The following PHYH variants were observed in gnomAD, a reference collection of about 807,000 sequenced individuals.
The protein encoded by PHYH is phytanoyl-CoA 2-hydroxylase.
In PHYH, 32 loss-of-function variants were observed where a neutral mutation model predicts 38.5. That is an observed-to-expected ratio of 0.83 (90% confidence interval 0.63 to 1.12). PHYH has a LOEUF of 1.12. Among genes scored for constraint, PHYH ranks in the 50% most tolerant of loss-of-function variants. The pLI is 0.00. For missense variants in PHYH, 426 were observed against 434.8 expected, an observed-to-expected ratio of 0.98 and a Z score of 0.18; for synonymous variants, 166 against 157.9, an observed-to-expected ratio of 1.05 and a Z score of -0.38.
At chr10:13,280,788 T>C (rs565880300) in intron 8 of PHYH, among the ~76,000 whole-genome samples, 188 bp downstream of exon 8, 4 of 152,274 alleles carry the variant, frequency 2.6e-5, no homozygotes, top group Non-Finnish European at 4.4e-5. Flanking sequence ...TTCTCAAGCC[T>C]CCTGCACGGG....
intron 1 of PHYH, 95 bp from the exon 2 acceptor site, chr10:13,298,340 G>A: frequency 9.7e-6 from 7 of 723,218 alleles, no homozygotes; most frequent in South Asian, 2.9e-5. Flanking sequence ...GCTGAGGCAG[G>A]AGGATTACTT....
At chr10:13,280,405 A>G (rs1353539419) in intron 8 of PHYH, among the ~76,000 whole-genome samples, 1 of 152,118 alleles carries the variant, frequency 6.6e-6, no homozygotes, top group Non-Finnish European at 1.5e-5. Flanking sequence ...CAGTAGTGCA[A>G]TCAGCTCACT....
In PHYH at chr10:13,278,138, A is replaced by G; in HGVS notation, c.*163T>C. The G allele has an allele frequency of 3.0e-6, 2 of 665,828 alleles. No homozygotes were observed. Among genetic ancestry groups the G allele is most frequent in the Non-Finnish European group, 5.5e-6 (2 of 362,030 alleles). The allele number at this position is 665,828 out of a possible 1,614,324, so 41.2% of individuals were successfully genotyped here. A position where few individuals can be genotyped will look rare whatever the true frequency, so the allele number is the denominator to read the frequency against. On this transcript the variant is annotated 3_prime_UTR_variant, in exon 9 of 9. Coordinates refer to ENST00000263038, the MANE Select transcript of PHYH (RefSeq NM_006214.4). ...TTTTTTTTTCCATTAAAGCAACACC[A>G]TTGTGCTGCAAAACTAACTCTATGC...
intron 3 of PHYH, chr10:13,295,129 C>T (rs755964161): frequency 3.9e-5 from 11 of 284,858 alleles, no homozygotes; most frequent in Non-Finnish European, 6.7e-5. Flanking sequence ...TCAAGACCAG[C>T]CTGGGCAACA....
At chr10:13,295,109 G>C (rs1182100717) in intron 3 of PHYH, 1 of 280,554 alleles carries the variant, frequency 3.6e-6, no homozygotes, top group African/African-American at 2.2e-5. Flanking sequence ...AGGAGGGTGA[G>C]GCCAGGAGTT....
rs753115080 is a variant in PHYH, at chr10:13,288,398, T to C, written c.640A>G (p.Lys214Glu). ...GCLVVLPGTHKGSLKPHDYPK... is the reference protein window; with the variant it reads ...GCLVVLPGTHEGSLKPHDYPK... ...TAATCGTGGGGCTTCAGGGAGCCCTTGTGTGTGCCTGGGAGCACAACCAGA... is the reference window on the plus strand; with the variant it reads ...TAATCGTGGGGCTTCAGGGAGCCCTCGTGTGTGCCTGGGAGCACAACCAGA... Residue 214 changes from lysine to glutamate, a missense_variant, in exon 6 of 9, where the codon AAG becomes GAG. By Grantham distance (56) the Lys-to-Glu change is moderately conservative. Transcript: ENST00000263038. The C allele has an allele frequency of 6.2e-7, 1 of 1,614,096 alleles. No individual in the cohort carries two copies. Among genetic ancestry groups the C allele is most frequent in the East Asian group, 2.2e-5 (1 of 44,866 alleles).
intron 3 of PHYH, 149 bp downstream of exon 3, chr10:13,295,347 G>A: frequency 1.6e-6 from 1 of 626,908 alleles, no homozygotes; most frequent in South Asian, 1.8e-5. Context: ...TAAAAAGCCA[G>A]TCTGGCACCA....
At chr10:13,299,513 G>T in intron 1 of PHYH, 1 of 1,005,198 alleles carries the variant, frequency 9.9e-7, no homozygotes, top group South Asian at 4.6e-5. Flanking sequence ...TGCCTGGCCA[G>T]CTCCTGCCCG....
At chr10:13,299,689 A>T (rs1832695421) in intron 1 of PHYH, 3 of 1,254,692 alleles carry the variant, frequency 2.4e-6, no homozygotes. Flanking sequence ...CGTCTCCACA[A>T]AGAGAGGAGC....
chr10:13,288,527 G>A lies in PHYH; in HGVS notation c.511C>T (p.Arg171Cys), dbSNP rs1247299635. 13 of 1,613,946 alleles carry A rather than the reference G, an allele frequency of 8.1e-6. No homozygotes were observed. In the East Asian group the frequency reaches 1.6e-4, roughly 19 times the overall value. ...TGCAGGTCCTGGTGCAGGGGGTGAC[G>A]GGACGTCTTCTTGCCTGAAAAGAAA... The part of the protein sequence containing the change: ...KPPDSGKKTS[R>C]HPLHQDLHYF... Residue 171 changes from arginine (R) to cysteine (C), a missense_variant, in exon 6 of 9, where the codon CGT (arginine) becomes TGT (cysteine). Coordinates refer to ENST00000263038, the MANE Select transcript of PHYH (RefSeq NM_006214.4).
At chr10:13,296,564 GA>G (rs1219238482) in intron 2 of PHYH, among the ~76,000 whole-genome samples, 18,125 of 68,242 alleles carry the variant, frequency 0.27, 1,321 homozygotes, top group African/African-American at 0.4. Context: ...CTCCATCTCA[GA>G]AAAAAAAAAA....
At chr10:13,291,508 GGTCTCACT>G (rs1835709746) in intron 5 of PHYH, 1 of 347,510 alleles carries the variant, frequency 2.9e-6, no homozygotes, top group Non-Finnish European at 5.4e-6. Flanking sequence ...GTAGAGATAG[GGTCTCACT>G]GTGTCACGCA....
rs1588519299 is a variant in PHYH at position 13,298,212 on chromosome 10, C to T, written c.109G>A (p.Ala37Thr). 2 of 1,606,408 alleles carry T rather than the reference C, an allele frequency of 1.2e-6. No individual in the cohort carries two copies. The highest frequency in any genetic ancestry group is 2.2e-5 in the East Asian group (1 of 44,808). ...TGGAATTGTTGAGGATGGAAACTGG[C>T]AGAGGAAATAGTCCCTGAAGTGGGA... Reference protein sequence around the residue: ...AHPTSGTISSASFHPQQFQYT... With the variant: ...AHPTSGTISSTSFHPQQFQYT... Residue 37 changes from alanine to threonine, a missense_variant, in exon 2 of 9, where the codon GCC (alanine) becomes ACC (threonine). Physicochemically the swap from Ala to Thr is moderately conservative, Grantham distance 58. Transcript: ENST00000263038.
intron 7 of PHYH, 137 bp downstream of exon 7, chr10:13,283,553 T>A: frequency 1.0e-6 from 1 of 960,196 alleles, no homozygotes; most frequent in Non-Finnish European, 1.6e-6. Flanking sequence ...TCCAGGTTGG[T>A]TAAAAGCCAC....
At chr10:13,296,057 A>T (rs1016687058) in intron 2 of PHYH, among the ~76,000 whole-genome samples, 1 of 151,504 alleles carries the variant, frequency 6.6e-6, no homozygotes. Context: ...AATCCCAGCT[A>T]CCCGGGAGGT....
At chr10:13,279,082 T>G (rs1316336734) in intron 8 of PHYH, among the ~76,000 whole-genome samples, 1 of 152,042 alleles carries the variant, frequency 6.6e-6, no homozygotes, top group Non-Finnish European at 1.5e-5. Flanking sequence ...CATTGCAACC[T>G]CTGCCTCCTG....
At chr10:13,281,404 T>G (rs924313802) in intron 7 of PHYH, among the ~76,000 whole-genome samples, 7 of 152,012 alleles carry the variant, frequency 4.6e-5, no homozygotes, top group Admixed American at 2.0e-4. Context: ...ATTTAGTTTT[T>G]TTTTTTTTTA....
intron 2 of PHYH, 73 bp downstream of exon 2, chr10:13,298,114 G>T: frequency 1.2e-6 from 1 of 848,570 alleles, no homozygotes; most frequent in Non-Finnish European, 2.0e-6. Flanking sequence ...ATATTATGTG[G>T]TATATCTTCA....
At position 13,289,966 on chromosome 10, in the gene PHYH, G is replaced by GAA. The variant is rs1164047941; in HGVS notation, c.497-1427_497-1426dup. 5.7e-4 allele frequency among the ~76,000 whole-genome samples: 78 copies of GAA among 137,512 alleles called. No homozygotes were observed. In the Admixed American group the frequency reaches 5.7e-3, roughly 10 times the overall value. The allele number at this position is 137,512 out of a possible 152,430, so 90.2% of individuals were successfully genotyped here. On this transcript the variant is annotated intron_variant, in intron 5 of 8. Coordinates refer to ENST00000263038, the MANE Select transcript of PHYH (RefSeq NM_006214.4). ...AAAAAAAAAAAAAAGAAAAGAAAAAGAAAAAAAAACACACAAAACAGGACG... is the reference window on the plus strand; with the variant it reads ...AAAAAAAAAAAAAAGAAAAGAAAAAGAAAAAAAAAAACACACAAAACAGGACG...
Sources: allele counts gnomAD v4.1 joint callset (sites outside exome capture counted in the v4.1 genomes callset), GRCh38; gene constraint gnomAD v4.1.1; transcripts MANE v1.5; gene names NCBI Gene and HGNC (gene_info 2026-07-23, HGNC 2026-07-21).